DOCK3: variants seen among roughly 807,000 people sequenced by gnomAD.
DOCK3 encodes the protein dedicator of cytokinesis protein 3.
DOCK3 carries 60 observed loss-of-function variants against 265.6 expected under a neutral mutation model. That is an observed-to-expected ratio of 0.23 (90% CI 0.18 to 0.28). DOCK3 has a LOEUF of 0.28. Among genes scored for constraint, DOCK3 ranks in the 10% least tolerant of loss-of-function variants. The probability of loss-of-function intolerance (pLI) is 1.00; values close to 1 mark genes in which losing one functional copy is unlikely to be tolerated. For missense variants in DOCK3, 1,981 were observed against 2,594.3 expected (o/e 0.76, Z 5.14); for synonymous variants, 881 against 938.0 (o/e 0.94, Z 1.11).
chr3:51,284,863 G>A (rs981281616), intron 27 of DOCK3, among the ~76,000 whole-genome samples: 2 of 152,052 alleles, frequency 1.3e-5, no homozygotes, highest in African/African-American at 4.8e-5. Flanking sequence ...TGGGAAAATG[G>A]GGCTTTGCAT....
At chr3:51,092,581 G>A (rs555065512) in intron 9 of DOCK3, among the ~76,000 whole-genome samples, 6 of 152,346 alleles carry the variant, frequency 3.9e-5, no homozygotes, top group East Asian at 3.9e-4. Context: ...AGCTGTGGGC[G>A]CAGCTTCAGC....
At chr3:51,117,360 G>A (rs1020879750) in intron 9 of DOCK3, among the ~76,000 whole-genome samples, 1 of 152,226 alleles carries the variant, frequency 6.6e-6, no homozygotes, top group Non-Finnish European at 1.5e-5. Context: ...CTGGAATTGG[G>A]CTTCCTAGTA....
chr3:51,250,269 TA>T (rs200311513), intron 22 of DOCK3, among the ~76,000 whole-genome samples: 1,496 of 136,096 alleles, frequency 0.011, 11 homozygotes, highest in African/African-American at 0.028. Flanking sequence ...GAATGATCAA[TA>T]AAAAAAAAAA....
chr3:51,191,745 G>A (rs571363931), intron 12 of DOCK3, among the ~76,000 whole-genome samples: 1 of 152,048 alleles, frequency 6.6e-6, no homozygotes, highest in Non-Finnish European at 1.5e-5. Context: ...GTCTTTCCAA[G>A]TGGAAGAGAC....
intron 1 of DOCK3, among the ~76,000 whole-genome samples, chr3:50,756,732 T>C (rs1264933804): frequency 5.3e-5 from 8 of 152,202 alleles, no homozygotes; most frequent in Non-Finnish European, 1.0e-4. Context: ...TTCTAGCACA[T>C]GCAGACTGGT....
intron 4 of DOCK3, among the ~76,000 whole-genome samples, chr3:50,903,912 C>A (rs1216151252): frequency 6.6e-6 from 1 of 152,180 alleles, no homozygotes; most frequent in East Asian, 1.9e-4. Context: ...TATCTCTCCC[C>A]ACTCCCCCCA....
chr3:50,879,482 A>G (rs1010682922), intron 3 of DOCK3, among the ~76,000 whole-genome samples: 1 of 152,182 alleles, frequency 6.6e-6, no homozygotes, highest in Non-Finnish European at 1.5e-5. Context: ...TTGCAATCCT[A>G]GTCTCTGATA....
intron 9 of DOCK3, among the ~76,000 whole-genome samples, chr3:51,134,484 T>G (rs1046732831): frequency 1.3e-5 from 2 of 152,172 alleles, no homozygotes; most frequent in South Asian, 4.1e-4. Flanking sequence ...AGTTTCTGCT[T>G]GTTCTTAATC....
chr3:50,814,586 T>G (rs1305710977), intron 2 of DOCK3, among the ~76,000 whole-genome samples: 1 of 152,106 alleles, frequency 6.6e-6, no homozygotes, highest in African/African-American at 2.4e-5. Context: ...ATTATGAACT[T>G]AACCATAGAT....
intron 32 of DOCK3, among the ~76,000 whole-genome samples, chr3:51,319,609 G>A (rs2083565261): frequency 6.6e-6 from 1 of 152,098 alleles, no homozygotes; most frequent in African/African-American, 2.4e-5. Flanking sequence ...GCTCACACCG[G>A]TAATCCCAGC....
At chr3:51,372,939 G>A (rs1418456465) in intron 49 of DOCK3, among the ~76,000 whole-genome samples, 1 of 152,168 alleles carries the variant, frequency 6.6e-6, no homozygotes, top group Non-Finnish European at 1.5e-5. Flanking sequence ...AGCAATTCAG[G>A]TCGAGTTTTA....
intron 3 of DOCK3, among the ~76,000 whole-genome samples, chr3:50,851,295 C>A (rs1203877208): frequency 6.6e-6 from 1 of 152,116 alleles, no homozygotes; most frequent in Non-Finnish European, 1.5e-5. Flanking sequence ...ACTCAGGCTG[C>A]CAAACCAGGC....
rs567631072 is a variant in DOCK3, at chr3:50,778,417, A to G, written c.38-258A>G. ...TCCAAGGGACAGAGACTCTGTTAAT[A>G]GAAATGTTTTTCTACAAGCACACAT... On this transcript the variant is annotated intron_variant, in intron 1 of 52. Coordinates refer to ENST00000266037, the MANE Select transcript of DOCK3 (RefSeq NM_004947.5). Among the ~76,000 whole-genome samples, 4 of 152,346 alleles carry G rather than the reference A, an allele frequency of 2.6e-5. No homozygotes were observed. In the South Asian group the frequency reaches 8.3e-4, roughly 32 times the overall value.
intron 12 of DOCK3, among the ~76,000 whole-genome samples, chr3:51,180,225 AAC>A (rs1553780899): frequency 3.4e-5 from 5 of 145,578 alleles, no homozygotes; most frequent in Admixed American, 7.5e-5. Context: ...AAAAAAAAAA[AAC>A]ACACACACAC....
intron 3 of DOCK3, among the ~76,000 whole-genome samples, chr3:50,843,753 G>A (rs1347338454): frequency 2.0e-5 from 3 of 152,050 alleles, no homozygotes; most frequent in Non-Finnish European, 4.4e-5. Flanking sequence ...GGTTATTACA[G>A]CATTTATTAG....
chr3:51,278,495 G>A lies in DOCK3; in HGVS notation c.2823+741G>A, dbSNP rs189621578. 1,182 of 985,402 alleles carry A rather than the reference G, an allele frequency of 1.2e-3. 6 individuals carry two copies. The African/African-American group carries it at 0.017, about 14-fold the overall frequency. 61.0% of individuals were successfully genotyped at this position (985,402 alleles called of 1,614,324 possible). On this transcript the variant is annotated intron_variant, in intron 26 of 52. Transcript: ENST00000266037. Reference sequence around the variant, plus strand: ...CCTCTGGAGCAAGCCAAGCTACAGCGTGCTAGGGAGAGCAGGGAGCACTCA... The same window carrying A: ...CCTCTGGAGCAAGCCAAGCTACAGCATGCTAGGGAGAGCAGGGAGCACTCA...
intron 4 of DOCK3, among the ~76,000 whole-genome samples, chr3:50,896,122 T>C (rs904292193): frequency 6.6e-6 from 1 of 152,206 alleles, no homozygotes; most frequent in African/African-American, 2.4e-5. Context: ...GTTGAACTAA[T>C]TTACACTCCC....
chr3:50,935,822 T>A (rs146120009), intron 5 of DOCK3, among the ~76,000 whole-genome samples: 3 of 152,304 alleles, frequency 2.0e-5, no homozygotes, highest in African/African-American at 7.2e-5. Flanking sequence ...CCCATAAAGA[T>A]GAGAAGGTTG....
chr3:51,191,691 T>C (rs1234577866), intron 12 of DOCK3, among the ~76,000 whole-genome samples: 1 of 152,076 alleles, frequency 6.6e-6, no homozygotes, highest in African/African-American at 2.4e-5. Context: ...AGTTCTTGTG[T>C]TGCTTCTTGA....
Sources: allele counts gnomAD v4.1 joint callset (sites outside exome capture counted in the v4.1 genomes callset), GRCh38; gene constraint gnomAD v4.1.1; transcripts MANE v1.5; gene names NCBI Gene and HGNC (gene_info 2026-07-23, HGNC 2026-07-21).